LOX: variants seen among roughly 807,000 people sequenced by gnomAD.
LOX encodes protein-lysine 6-oxidase.
A neutral mutation model predicts 50.5 loss-of-function variants in LOX; 12 were observed. The observed-to-expected ratio is 0.24, with a 90% CI of 0.15 to 0.38. The LOEUF (loss-of-function observed/expected upper bound fraction) is 0.38. LOX is among the 10% of genes least tolerant of loss of function. The pLI is 1.00. For synonymous variants in LOX, 254 were observed against 230.6 expected (o/e 1.10, Z -0.92); for missense variants, 504 against 563.8 (o/e 0.89, Z 1.07).
At chr5:122,069,031 G>A (rs1293294609) in intron 6 of LOX, among the ~76,000 whole-genome samples, 1 of 152,116 alleles carries the variant, frequency 6.6e-6, no homozygotes, top group Non-Finnish European at 1.5e-5. Context: ...TCAGAAGAAT[G>A]TATGTGACTC....
At chr5:122,067,452 A>G (rs1054552565) in intron 6 of LOX, among the ~76,000 whole-genome samples, 10 of 152,256 alleles carry the variant, frequency 6.6e-5, no homozygotes, top group African/African-American at 2.4e-4. Flanking sequence ...TGGCTTTTAC[A>G]CATCAACAGA....
chr5:122,077,126 G>A lies in LOX; in HGVS notation c.632-125C>T. Reference sequence around the variant, plus strand: ...ACCGGGACTGCAGAGTGGAGCGGAGGACAGCAAGAGAACTGGGGACGCCCG... The same window carrying A: ...ACCGGGACTGCAGAGTGGAGCGGAGAACAGCAAGAGAACTGGGGACGCCCG... On this transcript the variant is annotated intron_variant, in intron 1 of 6. Transcript: ENST00000231004. This position sits in a 1 kb window ranked among gnomAD's most constrained non-coding sequence, Gnocchi z 4.9. 6.7e-7 allele frequency: 1 copy of A among 1,484,082 alleles called. No homozygotes were observed. The highest frequency in any genetic ancestry group is 1.3e-5 in the South Asian group (1 of 75,032). The allele number at this position is 1,484,082 out of a possible 1,614,324, so 91.9% of individuals were successfully genotyped here.
chr5:122,074,273 T>A, intron 3 of LOX, 104 bp from the exon 4 acceptor site: 1 of 954,510 alleles, frequency 1.0e-6, no homozygotes, highest in Non-Finnish European at 1.6e-6. Context: ...GTTTTCACAT[T>A]AAAATTGAGA....
In LOX at chr5:122,077,489, ATGCCGTCCACGC is replaced by A; in HGVS notation, c.485_496del (p.Arg162_Met166delinsLeu). Reference sequence around the variant, plus strand: ...GGGGTTGTAAGGGTCGTCGCCCACCATGCCGTCCACGCGGCTGGGCGGCCGCAGGTTACTGAG... The same window carrying A: ...GGGGTTGTAAGGGTCGTCGCCCACCAGGCTGGGCGGCCGCAGGTTACTGAG... On this transcript the variant is annotated inframe_deletion, in exon 1 of 7. Transcript: ENST00000231004. The surrounding 1 kb of genome is among the most constrained non-coding windows in gnomAD (Gnocchi z 4.9). The A allele has an allele frequency of 6.2e-7, 1 of 1,613,888 alleles. No homozygotes were observed. The highest frequency in any genetic ancestry group is 1.1e-5 in the South Asian group (1 of 91,082).
chr5:122,072,997 A>G (rs192200383), intron 4 of LOX, among the ~76,000 whole-genome samples: 12 of 152,314 alleles, frequency 7.9e-5, no homozygotes, highest in Non-Finnish European at 1.5e-4. Flanking sequence ...TTAAGTAAGT[A>G]CTGTCCTGGG....
chr5:122,076,533 C>G (rs1194916086), intron 2 of LOX, among the ~76,000 whole-genome samples: 1 of 152,124 alleles, frequency 6.6e-6, no homozygotes, highest in Non-Finnish European at 1.5e-5. Context: ...TATTAACACA[C>G]CCTTCCATTA....
intron 4 of LOX, among the ~76,000 whole-genome samples, chr5:122,071,212 T>C (rs1006851554): frequency 9.9e-5 from 15 of 151,980 alleles, no homozygotes; most frequent in Admixed American, 1.3e-4. Flanking sequence ...TGTGTGTGTG[T>C]GTGTGTGTAT....
intron 6 of LOX, among the ~76,000 whole-genome samples, chr5:122,068,353 C>T (rs2913396): frequency 1.3e-5 from 2 of 152,198 alleles, no homozygotes; most frequent in East Asian, 3.9e-4. Flanking sequence ...CAACAGACCT[C>T]TCCAGACCTA....
At position 122,077,662 on chromosome 5, in the gene LOX, G is replaced by T; in HGVS notation, c.324C>A (p.Gly108=). 1 of 1,606,486 alleles carries T rather than the reference G, an allele frequency of 6.2e-7. No individual in the cohort carries two copies. The change falls in exon 1 of 7, where the codon GGC becomes GGA. Residue 108 remains glycine (G), a synonymous_variant. Transcript: ENST00000231004. This position sits in a 1 kb window ranked among gnomAD's most constrained non-coding sequence, Gnocchi z 4.9. ...GGCGGCCAGCGGTGACTCCAGATGA[G>T]CCGGCCGTCCGCGTTCGCGCCGCGG... is the stretch of plus-strand genomic sequence containing the variant. ...RTAAARTRTA[G]SSGVTAGRPR... is the part of the protein sequence containing the mutation.
rs1274897366 is a variant in LOX at position 122,070,485 on chromosome 5, G to T, written c.1131+9C>A. 9 of 1,486,696 alleles carry T rather than the reference G, an allele frequency of 6.1e-6. No individual in the cohort carries two copies. The highest frequency in any genetic ancestry group is 8.4e-6 in the Non-Finnish European group (9 of 1,070,638). 92.1% of individuals were successfully genotyped at this position (1,486,696 alleles called of 1,614,324 possible). The stretch of plus-strand genomic sequence containing the variant: ...TATCAATATATGATATATTTTCAAA[G>T]GTCTTTACCTTTAGGATATAGTTTC... On this transcript the variant is annotated intron_variant, in intron 5 of 6. Coordinates refer to ENST00000231004, the MANE Select transcript of LOX (RefSeq NM_002317.7).
At chr5:122,074,611 T>C (rs1267326715) in intron 3 of LOX, among the ~76,000 whole-genome samples, 1 of 152,222 alleles carries the variant, frequency 6.6e-6, no homozygotes, top group African/African-American at 2.4e-5. Flanking sequence ...TTAAAATCAT[T>C]AGTGAAAAGC....
intron 4 of LOX, among the ~76,000 whole-genome samples, chr5:122,071,724 A>C (rs2152588222): frequency 6.6e-6 from 1 of 152,324 alleles, no homozygotes; most frequent in Admixed American, 6.5e-5. Flanking sequence ...TTTTAACTCA[A>C]TACTGCCATT....
chr5:122,068,865 T>C (rs1300772792), intron 6 of LOX, among the ~76,000 whole-genome samples: 1 of 152,062 alleles, frequency 6.6e-6, no homozygotes, highest in East Asian at 1.9e-4. Context: ...ATTATAAAAA[T>C]TAAGAAAAAA....
chr5:122,066,417 T>A lies in LOX; in HGVS notation c.*326A>T. The A allele has an allele frequency of 3.6e-6, 1 of 276,552 alleles. No homozygotes were observed. Among genetic ancestry groups the A allele is most frequent in the Non-Finnish European group, 6.8e-6 (1 of 146,052 alleles). 17.1% of individuals were successfully genotyped at this position (276,552 alleles called of 1,614,324 possible). A position where few individuals can be genotyped will look rare whatever the true frequency, so the allele number is the denominator to read the frequency against. The stretch of plus-strand genomic sequence containing the variant: ...TTTGGCTCATTCATTTAGATAATAC[T>A]GACCATTTTGCACTACAATTTCAAA... On this transcript the variant is annotated 3_prime_UTR_variant, in exon 7 of 7. Transcript: ENST00000231004.
rs199790528 is a variant in LOX at position 122,077,694 on chromosome 5, G to A, written c.292C>T (p.Arg98Cys). Reference sequence around the variant, plus strand: ...GTCCGCGTTCGCGCCGCGGCGGTGCGGTTGTCGCGGATCAGCAGGATCGGA... The same window carrying A: ...GTCCGCGTTCGCGCCGCGGCGGTGCAGTTGTCGCGGATCAGCAGGATCGGA... The part of the protein sequence containing the change: ...RTPILLIRDN[R>C]TAAARTRTAG... Residue 98 changes from arginine to cysteine, a missense_variant, in exon 1 of 7, where the codon CGC (arginine) becomes TGC (cysteine). Physicochemically the swap from Arg to Cys is radical, Grantham distance 180 (BLOSUM62 -3). Coordinates refer to ENST00000231004, the MANE Select transcript of LOX (RefSeq NM_002317.7). The surrounding 1 kb of genome is among the most constrained non-coding windows in gnomAD (Gnocchi z 4.9). 3.6e-5 allele frequency: 58 copies of A among 1,597,140 alleles called. No individual in the cohort carries two copies. The East Asian group carries it at 1.3e-3, about 35-fold the overall frequency.
Position 122,066,625 on chromosome 5 carries a change from C to T in LOX, c.*118G>A, listed in dbSNP as rs907865584. 9.7e-6 allele frequency: 8 copies of T among 824,508 alleles called. No individual in the cohort carries two copies. Among genetic ancestry groups the T allele is most frequent in the Non-Finnish European group, 1.4e-5 (7 of 506,502 alleles). The allele number at this position is 824,508 out of a possible 1,614,324, so 51.1% of individuals were successfully genotyped here. A position where few individuals can be genotyped will look rare whatever the true frequency, so the allele number is the denominator to read the frequency against. The stretch of plus-strand genomic sequence containing the variant: ...ATTGAAAACAGTCCAAACAAAAATT[C>T]TTTTGTTGTTTTCTGTTCTCTTTTT... On this transcript the variant is annotated 3_prime_UTR_variant, in exon 7 of 7. Transcript: ENST00000231004.
At chr5:122,070,290 C>G in intron 5 of LOX, 122 bp from the exon 6 acceptor site, 1 of 687,362 alleles carries the variant, frequency 1.5e-6, no homozygotes, top group Non-Finnish European at 2.6e-6. Flanking sequence ...AGTGGTTAAA[C>G]TCTGGAGACG....
rs779143022 is a variant in LOX at position 122,063,351 on chromosome 5, T to C, written c.*3392A>G. On this transcript the variant is annotated 3_prime_UTR_variant, in exon 7 of 7. Transcript: ENST00000231004. ...TCAAAAAAGTTACACGTCTTACAAA[T>C]AACATTCCTGAAAAATTTGGGAGAA... The C allele has an allele frequency of 2.3e-4, 35 of 151,908 alleles. No homozygotes were observed. The highest frequency in any genetic ancestry group is 5.3e-4 in the Admixed American group (8 of 15,210). The allele number at this position is 151,908 out of a possible 1,614,324, so 9.4% of individuals were successfully genotyped here.
At chr5:122,071,481 C>G (rs1754451460) in intron 4 of LOX, among the ~76,000 whole-genome samples, 1 of 152,264 alleles carries the variant, frequency 6.6e-6, no homozygotes, top group Non-Finnish European at 1.5e-5. Flanking sequence ...AATGCCACAT[C>G]ACTCCACTTG....
Sources: allele counts gnomAD v4.1 joint callset (sites outside exome capture counted in the v4.1 genomes callset), GRCh38; gene constraint gnomAD v4.1.1; non-coding constraint Gnocchi (gnomAD v3.1); transcripts MANE v1.5; gene names NCBI Gene and HGNC (gene_info 2026-07-23, HGNC 2026-07-21).